Variants in FCHO2 observed in about 807,000 individuals in gnomAD.
FCHO2 encodes the protein F-BAR domain only protein 2.
FCHO2 carries 43 observed loss-of-function variants against 114.1 expected under a neutral mutation model. The ratio of observed to expected loss-of-function variants is 0.38; its 90% confidence interval spans 0.30 to 0.49. The LOEUF (loss-of-function observed/expected upper bound fraction) is 0.49. Ranked by LOEUF, FCHO2 falls within the 20% of genes least tolerant of loss-of-function variation. The pLI, the probability that FCHO2 is intolerant of heterozygous loss-of-function variation, is 0.97. For synonymous variants in FCHO2, 293 were observed against 315.2 expected (o/e 0.93, Z 0.75); for missense variants, 807 against 950.4 (o/e 0.85, Z 1.98).
chr5:72,956,223 C>G (rs1751524921), intron 1 of FCHO2, 94 bp downstream of exon 1: 1 of 1,332,164 alleles, frequency 7.5e-7, no homozygotes, highest in Non-Finnish European at 1.0e-6. Flanking sequence ...CGGCGGCGGC[C>G]CCTCCGGCAG....
At chr5:73,080,994 T>C (rs976898608) in intron 22 of FCHO2, among the ~76,000 whole-genome samples, 1 of 151,978 alleles carries the variant, frequency 6.6e-6, no homozygotes, top group African/African-American at 2.4e-5. Context: ...CCTGTAGTCC[T>C]AGCTAGTACA....
intron 2 of FCHO2, among the ~76,000 whole-genome samples, chr5:72,983,392 A>T (rs1580047250): frequency 6.7e-6 from 1 of 149,612 alleles, no homozygotes; most frequent in South Asian, 2.1e-4. Flanking sequence ...TTATTTATTT[A>T]TTTTTTTTGA....
chr5:72,977,731 C>G (rs949349608), intron 2 of FCHO2, among the ~76,000 whole-genome samples: 3 of 152,134 alleles, frequency 2.0e-5, no homozygotes, highest in Admixed American at 2.0e-4. Context: ...AGGTTTTCTT[C>G]TAGGGTTTTT....
chr5:72,965,379 T>C (rs1003138796), intron 1 of FCHO2, among the ~76,000 whole-genome samples: 1 of 152,214 alleles, frequency 6.6e-6, no homozygotes, highest in Non-Finnish European at 1.5e-5. Flanking sequence ...GTATATACCT[T>C]AATTAAAAAA....
intron 2 of FCHO2, among the ~76,000 whole-genome samples, chr5:72,973,334 T>G (rs923098372): frequency 1.9e-3 from 286 of 152,280 alleles, no homozygotes; most frequent in African/African-American, 5.3e-3. Context: ...TCTGGTCCTG[T>G]ACTCTTTTTG....
intron 1 of FCHO2, among the ~76,000 whole-genome samples, chr5:72,960,042 A>G (rs189785458): frequency 6.6e-6 from 1 of 152,342 alleles, no homozygotes; most frequent in Non-Finnish European, 1.5e-5. Flanking sequence ...AGCTTCCCAA[A>G]GTGCTGGGAT....
intron 14 of FCHO2, 95 bp downstream of exon 14, chr5:73,054,266 A>T (rs1757479387): frequency 8.7e-7 from 1 of 1,154,972 alleles, no homozygotes. Context: ...AAATTTTTAG[A>T]TTAGCAAGTT....
intron 2 of FCHO2, among the ~76,000 whole-genome samples, chr5:72,981,396 C>T (rs933258363): frequency 6.6e-6 from 1 of 152,124 alleles, no homozygotes; most frequent in Admixed American, 6.6e-5. Flanking sequence ...TCATTTCAAC[C>T]TTGGTGAATC....
At chr5:73,007,761 G>T (rs1754799286) in intron 6 of FCHO2, among the ~76,000 whole-genome samples, 1 of 152,134 alleles carries the variant, frequency 6.6e-6, no homozygotes, top group African/African-American at 2.4e-5. Context: ...GAGGAGGGAG[G>T]CAGACATTAA....
intron 1 of FCHO2, among the ~76,000 whole-genome samples, chr5:72,962,128 A>C (rs1751909246): frequency 6.6e-6 from 1 of 152,206 alleles, no homozygotes; most frequent in South Asian, 2.1e-4. Flanking sequence ...AGAGGCCCTT[A>C]GAATTTTTTA....
Position 72,990,747 on chromosome 5 carries a change from C to T in FCHO2, c.378C>T (p.Val126=), listed in dbSNP as rs1482160513. 1 of 1,558,756 alleles carries T rather than the reference C, an allele frequency of 6.4e-7. No homozygotes were observed. The highest frequency in any genetic ancestry group is 1.9e-5 in the Admixed American group (1 of 51,762). Residue 126 remains valine (V), a synonymous_variant, in exon 5 of 26, where the codon GTC becomes GTT. Transcript: ENST00000430046. The stretch of plus-strand genomic sequence containing the variant: ...AAGTTGCAGGAACTCTGGAAGCTGT[C>T]CAAACCATTCAGAGCATAACTCAGG... ...KEEVAGTLEA[V]QTIQSITQAL...
intron 5 of FCHO2, among the ~76,000 whole-genome samples, chr5:72,994,226 CA>C (rs1408511118): frequency 6.6e-6 from 1 of 152,112 alleles, no homozygotes; most frequent in Non-Finnish European, 1.5e-5. Flanking sequence ...AAAATGTTTG[CA>C]AACTATGCAT....
intron 2 of FCHO2, among the ~76,000 whole-genome samples, chr5:72,977,728 C>A (rs1241600136): frequency 6.6e-6 from 1 of 152,088 alleles, no homozygotes; most frequent in Non-Finnish European, 1.5e-5. Flanking sequence ...CTTAGGTTTT[C>A]TTCTAGGGTT....
Position 72,967,937 on chromosome 5 carries a change from T to G in FCHO2, c.34-561T>G, listed in dbSNP as rs553691057. On this transcript the variant is annotated intron_variant, in intron 1 of 25. Coordinates refer to ENST00000430046, the MANE Select transcript of FCHO2 (RefSeq NM_138782.3). Reference sequence around the variant, plus strand: ...GCCTGGCCTCATACTTAATTTTTTTTTTTTTGAGATGGAGTCTTGCTCTGT... The same window carrying G: ...GCCTGGCCTCATACTTAATTTTTTTGTTTTTGAGATGGAGTCTTGCTCTGT... Among the ~76,000 whole-genome samples, 94 of 150,292 alleles carry G rather than the reference T, an allele frequency of 6.3e-4. No individual in the cohort carries two copies. In the South Asian group the frequency reaches 0.012, roughly 19 times the overall value.
intron 5 of FCHO2, among the ~76,000 whole-genome samples, chr5:73,001,259 G>T (rs902742421): frequency 2.0e-5 from 3 of 151,748 alleles, no homozygotes; most frequent in Non-Finnish European, 2.9e-5. Context: ...AAATTAGTCA[G>T]TGTGAGATCG....
intron 24 of FCHO2, among the ~76,000 whole-genome samples, chr5:73,086,013 T>C (rs1743298213): frequency 6.6e-6 from 1 of 151,332 alleles, no homozygotes; most frequent in Admixed American, 6.6e-5. Context: ...TCCCAGATAC[T>C]CAGGAGGCTG....
At chr5:73,019,515 T>C (rs1580114399) in intron 8 of FCHO2, among the ~76,000 whole-genome samples, 1 of 152,314 alleles carries the variant, frequency 6.6e-6, no homozygotes, top group African/African-American at 2.4e-5. Context: ...CACTCCAGCC[T>C]GGGTGACAGA....
chr5:73,019,879 T>G (rs1755521676), intron 8 of FCHO2, among the ~76,000 whole-genome samples: 1 of 152,090 alleles, frequency 6.6e-6, no homozygotes, highest in South Asian at 2.1e-4. Flanking sequence ...CGAGGAGCCA[T>G]GTAGGTAAAA....
intron 8 of FCHO2, 71 bp from the exon 9 acceptor site, chr5:73,034,586 T>TA (rs956556626): frequency 2.9e-4 from 355 of 1,211,616 alleles, no homozygotes; most frequent in South Asian, 4.2e-4. Context: ...ATTTAAAATG[T>TA]AAAAAAAAAG....
Sources: gnomAD v4.1 joint callset for allele counts (sites outside exome capture counted in the v4.1 genomes callset) on GRCh38, gnomAD v4.1.1 for gene constraint, MANE v1.5 for transcripts, NCBI Gene and HGNC (gene_info 2026-07-23, HGNC 2026-07-21) for gene names.